EFNA5: variants seen among roughly 807,000 people sequenced by gnomAD.
EFNA5 encodes the protein ephrin-A5.
Under a neutral mutation model 22.9 loss-of-function variants are expected in EFNA5, and 5 were observed. The ratio of observed to expected loss-of-function variants is 0.22; its 90% CI spans 0.11 to 0.46. The LOEUF is 0.46. EFNA5 is among the 20% of genes least tolerant of loss of function. The probability of loss-of-function intolerance (pLI) is 0.99; values close to 1 mark genes in which losing one functional copy is unlikely to be tolerated. For missense variants in EFNA5, 237 were observed against 293.3 expected (o/e 0.81, Z 1.40); for synonymous variants, 113 against 112.2 (o/e 1.01, Z -0.04).
intron 1 of EFNA5, among the ~76,000 whole-genome samples, chr5:107,486,696 C>T (rs1487950239): frequency 6.6e-6 from 1 of 152,080 alleles, no homozygotes; most frequent in African/African-American, 2.4e-5. Context: ...GTTGAGATGA[C>T]AAAACCACAA....
chr5:107,411,935 A>G (rs114924646), intron 2 of EFNA5, among the ~76,000 whole-genome samples: 1,584 of 152,334 alleles, frequency 0.01, 19 homozygotes, highest in Admixed American at 0.014. Context: ...CTTAATGAAT[A>G]TAATACTCAT....
chr5:107,597,329 C>T (rs1057414172), intron 1 of EFNA5, among the ~76,000 whole-genome samples: 23 of 152,100 alleles, frequency 1.5e-4, no homozygotes, highest in Non-Finnish European at 3.4e-4. Context: ...ATTTGGTTTC[C>T]ATCAGACAAC....
chr5:107,520,471 C>T (rs1027554057), intron 1 of EFNA5, among the ~76,000 whole-genome samples: 21 of 152,338 alleles, frequency 1.4e-4, no homozygotes, highest in Middle Eastern at 3.4e-3. Flanking sequence ...TGGCTACTTT[C>T]AGTTGGCTAT....
Position 107,379,741 on chromosome 5 carries a change from T to C in EFNA5, c.*1514A>G, listed in dbSNP as rs1464169328. 1 of 152,088 alleles carries C rather than the reference T, an allele frequency of 6.6e-6. No individual in the cohort carries two copies. Among genetic ancestry groups the C allele is most frequent in the Non-Finnish European group, 1.5e-5 (1 of 68,030 alleles). The allele number at this position is 152,088 out of a possible 1,614,324, so 9.4% of individuals were successfully genotyped here. A position where few individuals can be genotyped will look rare whatever the true frequency, so the allele number is the denominator to read the frequency against. On this transcript the variant is annotated 3_prime_UTR_variant, in exon 5 of 5. Transcript: ENST00000333274. ...TTCCTTCAACAGGGTCATCCTGCATTTATTCTCCTTCTGCCCCACCCCCAC... is the reference window on the plus strand; with the variant it reads ...TTCCTTCAACAGGGTCATCCTGCATCTATTCTCCTTCTGCCCCACCCCCAC...
At chr5:107,527,723 T>C (rs976024215) in intron 1 of EFNA5, among the ~76,000 whole-genome samples, 44 of 152,318 alleles carry the variant, frequency 2.9e-4, no homozygotes, top group Non-Finnish European at 4.7e-4. Context: ...GCACATTATC[T>C]TATTTCAGAT....
intron 1 of EFNA5, among the ~76,000 whole-genome samples, chr5:107,537,517 T>C (rs1747953570): frequency 6.6e-6 from 1 of 152,176 alleles, no homozygotes; most frequent in African/African-American, 2.4e-5. Context: ...GAAAATCCCT[T>C]GAACACAGGA....
At chr5:107,465,815 C>G (rs1209932243) in intron 1 of EFNA5, among the ~76,000 whole-genome samples, 1 of 151,868 alleles carries the variant, frequency 6.6e-6, no homozygotes, top group African/African-American at 2.4e-5. Context: ...CAAAGATACA[C>G]ACACAATCCA....
In EFNA5 at chr5:107,377,895, A is replaced by G. The variant is rs1747310391; in HGVS notation, c.*3360T>C. The G allele has an allele frequency of 6.6e-6, 1 of 152,208 alleles. No individual in the cohort carries two copies. Among genetic ancestry groups the G allele is most frequent in the African/African-American group, 2.4e-5 (1 of 41,448 alleles). 9.4% of individuals were successfully genotyped at this position (152,208 alleles called of 1,614,324 possible). On this transcript the variant is annotated 3_prime_UTR_variant, in exon 5 of 5. Coordinates refer to ENST00000333274, the MANE Select transcript of EFNA5 (RefSeq NM_001962.3). ...CCAACATCAGACCTTGAAAACACCG[A>G]GGACAAAATATCGATCAAAAAAGTC...
chr5:107,599,084 A>T (rs545107892), intron 1 of EFNA5, among the ~76,000 whole-genome samples: 1 of 152,336 alleles, frequency 6.6e-6, no homozygotes, highest in African/African-American at 2.4e-5. Context: ...CTGTGACTTA[A>T]GAAGTCTACG....
chr5:107,604,003 T>C (rs946141340), intron 1 of EFNA5, among the ~76,000 whole-genome samples: 20 of 152,172 alleles, frequency 1.3e-4, no homozygotes, highest in African/African-American at 4.3e-4. Flanking sequence ...AAGGACAAGG[T>C]AATTTTGTAA....
intron 4 of EFNA5, among the ~76,000 whole-genome samples, 170 bp from the exon 5 acceptor site, chr5:107,381,546 A>T (rs3852196): frequency 0.029 from 4,411 of 152,272 alleles, 217 homozygotes; most frequent in African/African-American, 0.1. Flanking sequence ...CAGCAAACAA[A>T]GAAGAGGCAA....
intron 1 of EFNA5, among the ~76,000 whole-genome samples, chr5:107,547,732 TA>T (rs1748199105): frequency 6.6e-6 from 1 of 152,206 alleles, no homozygotes; most frequent in South Asian, 2.1e-4. Flanking sequence ...TTTGATGATA[TA>T]TATACTAATT....
intron 1 of EFNA5, among the ~76,000 whole-genome samples, chr5:107,491,283 T>C (rs2112413725): frequency 6.6e-6 from 1 of 152,316 alleles, no homozygotes; most frequent in Non-Finnish European, 1.5e-5. Context: ...TAGCATTTTC[T>C]CAAGGCAATA....
At position 107,558,328 on chromosome 5, in the gene EFNA5, A is replaced by T. The variant is rs577830353; in HGVS notation, c.125+112161T>A. Among the ~76,000 whole-genome samples, 10 of 150,910 alleles carry T rather than the reference A, an allele frequency of 6.6e-5. No individual in the cohort carries two copies. The South Asian group carries it at 1.9e-3, about 29-fold the overall frequency. On this transcript the variant is annotated intron_variant, in intron 1 of 4. Transcript: ENST00000333274. Reference sequence around the variant, plus strand: ...TCGCTTTTTTTCCTTTGCCTTTTGCATTTTACACTGAACAATAATTTCCTA... The same window carrying T: ...TCGCTTTTTTTCCTTTGCCTTTTGCTTTTTACACTGAACAATAATTTCCTA...
chr5:107,568,396 C>G (rs1450070968), intron 1 of EFNA5, among the ~76,000 whole-genome samples: 1 of 152,092 alleles, frequency 6.6e-6, no homozygotes, highest in Non-Finnish European at 1.5e-5. Flanking sequence ...ACAGTTAGAC[C>G]AGGGAGAAGC....
At position 107,423,445 on chromosome 5, in the gene EFNA5, T is replaced by C. The variant is rs1273568284; in HGVS notation, c.418+3772A>G. Among the ~76,000 whole-genome samples the C allele has an allele frequency of 2.0e-5, 3 of 151,244 alleles. 1 individual carries two copies. On this transcript the variant is annotated intron_variant, in intron 2 of 4. Transcript: ENST00000333274. ...AAAAAAAAGACAGGGTTTTGCTATG[T>C]TGCCCAGGCTGGTCTTGATTTTTTT... is the stretch of plus-strand genomic sequence containing the variant.
At chr5:107,620,825 A>G (rs1750018045) in intron 1 of EFNA5, among the ~76,000 whole-genome samples, 1 of 152,234 alleles carries the variant, frequency 6.6e-6, no homozygotes, top group African/African-American at 2.4e-5. Flanking sequence ...ACGATAATGG[A>G]GTTTTATGTG....
chr5:107,507,048 G>C (rs1747268660), intron 1 of EFNA5, among the ~76,000 whole-genome samples: 2 of 152,080 alleles, frequency 1.3e-5, no homozygotes, highest in Non-Finnish European at 2.9e-5. Flanking sequence ...AACATAAAAT[G>C]ATCAAAAGTT....
At chr5:107,648,346 A>G (rs1432566213) in intron 1 of EFNA5, among the ~76,000 whole-genome samples, 1 of 152,200 alleles carries the variant, frequency 6.6e-6, no homozygotes, top group Non-Finnish European at 1.5e-5. Context: ...TAACTAAAAT[A>G]CTTATATTGC....
Sources: gnomAD v4.1 joint callset for allele counts (sites outside exome capture counted in the v4.1 genomes callset) on GRCh38, gnomAD v4.1.1 for gene constraint, MANE v1.5 for transcripts, NCBI Gene and HGNC (gene_info 2026-07-23, HGNC 2026-07-21) for gene names.